Variants in MAGED1 observed in about 807,000 individuals in gnomAD.
The protein encoded by MAGED1 is MAGE family member D1.
MAGED1 carries 3 observed loss-of-function variants against 54.1 expected under a neutral mutation model. The ratio of observed to expected loss-of-function variants is 0.06; its 90% CI spans 0.03 to 0.14. The LOEUF is 0.14. MAGED1 is among the 10% of genes least tolerant of loss of function. MAGED1 has a pLI of 1.00. For missense variants in MAGED1, 485 were observed against 623.4 expected, an observed-to-expected ratio of 0.78 and a Z score of 2.36; for synonymous variants, 217 against 227.3, an observed-to-expected ratio of 0.95 and a Z score of 0.41.
chrX:51,865,388 G>A (rs1465717645), intron 1 of MAGED1, among the ~76,000 whole-genome samples: 1 of 111,904 alleles, frequency 8.9e-6, no homozygotes, highest in African/African-American at 3.2e-5. Context: ...ATGTATGAAT[G>A]CATAAATTGA....
chrX:51,851,336 A>T (rs1926883261), intron 1 of MAGED1, among the ~76,000 whole-genome samples: 1 of 111,901 alleles, frequency 8.9e-6, no homozygotes, highest in Non-Finnish European at 1.9e-5. Context: ...GTCAATGATT[A>T]TGCCTAATTT....
chrX:51,814,966 TAAAAAAAAAAAA>T (rs782352592), intron 1 of MAGED1, among the ~76,000 whole-genome samples: 1 of 72,101 alleles, frequency 1.4e-5, no homozygotes, highest in African/African-American at 5.2e-5. Flanking sequence ...ACCTCTCTCT[TAAAAAAAAAAAA>T]AAAAAAAAAA....
intron 1 of MAGED1, among the ~76,000 whole-genome samples, chrX:51,814,743 G>T (rs1328825989): frequency 9.1e-6 from 1 of 110,360 alleles, no homozygotes; most frequent in Non-Finnish European, 1.9e-5. Context: ...CGTTACTCAC[G>T]TATTTATGGT....
At chrX:51,886,421 C>G (rs931988117) in intron 1 of MAGED1, among the ~76,000 whole-genome samples, 19 of 110,578 alleles carry the variant, frequency 1.7e-4, no homozygotes, top group African/African-American at 6.3e-4. Flanking sequence ...ACATGTAACC[C>G]ATGAATATAT....
At position 51,850,006 on chromosome X, in the gene MAGED1, C is replaced by T. The variant is rs781969745; in HGVS notation, c.-36-44263C>T. Among the ~76,000 whole-genome samples, 4 of 110,567 alleles carry T rather than the reference C, an allele frequency of 3.6e-5. No homozygotes were observed. In the South Asian group the frequency reaches 1.6e-3, roughly 44 times the overall value. ...GGAGTGCAGTGGCATGATCTCGGCT[C>T]ACTGCAACCTCTGCCTCTGAGGTTC... On this transcript the variant is annotated intron_variant, in intron 1 of 12. Coordinates refer to the MAGED1 transcript ENST00000375772.
intron 1 of MAGED1, among the ~76,000 whole-genome samples, chrX:51,803,748 T>C (rs1297789180): frequency 2.1e-5 from 2 of 93,093 alleles, no homozygotes; most frequent in East Asian, 7.7e-4. Flanking sequence ...TTTTTAACTC[T>C]AAACAAAATT....
At chrX:51,825,033 G>T (rs1478572522) in intron 1 of MAGED1, among the ~76,000 whole-genome samples, 1 of 109,987 alleles carries the variant, frequency 9.1e-6, no homozygotes, top group African/African-American at 3.3e-5. Context: ...TTTGTAGGGG[G>T]CTTGAAGGAT....
At chrX:51,900,324 T>C in intron 11 of MAGED1, 28 bp downstream of exon 11, 1 of 1,113,953 alleles carries the variant, frequency 9.0e-7, no homozygotes. Context: ...CCAGCATTGA[T>C]AGGTCAAGGG....
chrX:51,816,649 C>G (rs974070740), intron 1 of MAGED1, among the ~76,000 whole-genome samples: 4 of 110,356 alleles, frequency 3.6e-5, no homozygotes, highest in Non-Finnish European at 7.6e-5. Flanking sequence ...CTGTGATATT[C>G]GCACAACAGT....
chrX:51,894,225 C>G, intron 1 of MAGED1, 44 bp from the exon 2 acceptor site: 1 of 793,946 alleles, frequency 1.3e-6, no homozygotes, highest in Admixed American at 2.7e-5. Flanking sequence ...TTAGGTCCTT[C>G]GTATTTGCCC....
intron 1 of MAGED1, among the ~76,000 whole-genome samples, chrX:51,861,538 G>A (rs1557360673): frequency 9.0e-6 from 1 of 111,672 alleles, no homozygotes; most frequent in African/African-American, 3.3e-5. Flanking sequence ...TATAGCTATA[G>A]CATACTTTCT....
intron 10 of MAGED1, chrX:51,899,733 C>A (rs782574367): frequency 7.3e-6 from 1 of 137,224 alleles, no homozygotes; most frequent in Non-Finnish European, 1.4e-5. Context: ...TGAGCCACCA[C>A]ACCCGGCCAG....
chrX:51,822,737 T>C (rs1353979660), intron 1 of MAGED1, among the ~76,000 whole-genome samples: 6 of 111,351 alleles, frequency 5.4e-5, no homozygotes, highest in African/African-American at 1.9e-4. Context: ...TGCTAGTATT[T>C]TGTTGAGGAT....
At chrX:51,859,132 C>T (rs782379225) in intron 1 of MAGED1, among the ~76,000 whole-genome samples, 1 of 109,872 alleles carries the variant, frequency 9.1e-6, no homozygotes, top group African/African-American at 3.3e-5. Context: ...TCACCTTGCT[C>T]ATTTTTTTTT....
intron 1 of MAGED1, among the ~76,000 whole-genome samples, chrX:51,862,150 G>A (rs1927303854): frequency 9.0e-6 from 1 of 111,095 alleles, no homozygotes; most frequent in Admixed American, 9.6e-5. Flanking sequence ...ATGATGTGTG[G>A]ATATTTGTAT....
chrX:51,832,350 A>G (rs191098722), intron 1 of MAGED1, among the ~76,000 whole-genome samples: 55 of 111,687 alleles, frequency 4.9e-4, no homozygotes, highest in African/African-American at 1.7e-3. Flanking sequence ...ATTTTTAAAT[A>G]TGCGATAAAT....
chrX:51,863,837 T>G (rs781832575), intron 1 of MAGED1, among the ~76,000 whole-genome samples: 63 of 111,212 alleles, frequency 5.7e-4, no homozygotes, highest in Admixed American at 1.1e-3. Flanking sequence ...TTGTGTGTGT[T>G]TTTTTTTAAC....
At position 51,901,600 on chromosome X, in the gene MAGED1, T is replaced by G; in HGVS notation, c.2007T>G (p.Ala669=). 8.3e-7 allele frequency: 1 copy of G among 1,204,079 alleles called. No individual in the cohort carries two copies. Among genetic ancestry groups the G allele is most frequent in the East Asian group, 3.0e-5 (1 of 33,802 alleles). The change falls in exon 12 of 13, where the codon GCT becomes GCG. Residue 669 remains alanine, a synonymous_variant. Transcript: ENST00000326587. ...PRDWTAQFME[A]ADEALDALDA... is the part of the protein sequence containing the mutation. ...ACTGGACTGCACAGTTCATGGAGGCTGCAGATGAGGCCTTGGATGCTCTGG... is the reference window on the plus strand; with the variant it reads ...ACTGGACTGCACAGTTCATGGAGGCGGCAGATGAGGCCTTGGATGCTCTGG...
At chrX:51,830,142 A>G (rs1926007135) in intron 1 of MAGED1, among the ~76,000 whole-genome samples, 1 of 112,281 alleles carries the variant, frequency 8.9e-6, no homozygotes, top group Admixed American at 9.5e-5. Flanking sequence ...AATATATATC[A>G]GTGTCATCTT....
Sources: gnomAD v4.1 joint callset for allele counts (sites outside exome capture counted in the v4.1 genomes callset) on GRCh38, gnomAD v4.1.1 for gene constraint, MANE v1.5 for transcripts, NCBI Gene and HGNC (gene_info 2026-07-23, HGNC 2026-07-21) for gene names.